CERS4: variants seen among roughly 807,000 people sequenced by gnomAD.
CERS4 encodes ceramide synthase 4, also known as LAG1 homolog, ceramide synthase 4.
CERS4 carries 65 observed loss-of-function variants against 51.8 expected under a neutral mutation model. The ratio of observed to expected loss-of-function variants is 1.26; its 90% confidence interval spans 1.03 to 1.54. The LOEUF (loss-of-function observed/expected upper bound fraction) is 1.54, where lower values mean the gene tolerates loss of function less well. Ranked by LOEUF, CERS4 falls within the 40% of genes most tolerant of loss-of-function variation. The pLI is 0.00. For synonymous variants in CERS4, 228 were observed against 208.4 expected (o/e 1.09, Z -0.81); for missense variants, 563 against 500.4 (o/e 1.13, Z -1.19).
At chr19:8,216,518 T>G (rs1257127544) in intron 2 of CERS4, among the ~76,000 whole-genome samples, 1 of 151,872 alleles carries the variant, frequency 6.6e-6, no homozygotes, top group African/African-American at 2.4e-5. Flanking sequence ...GGCTCATGCC[T>G]GTAATCCCAG....
Position 8,261,673 on chromosome 19 carries a change from T to C in CERS4, c.849-15T>C. On this transcript the variant is annotated splice_polypyrimidine_tract_variant and intron_variant, in intron 10 of 11. Coordinates refer to ENST00000251363, the MANE Select transcript of CERS4 (RefSeq NM_024552.3). ...CTGGTCAAACCCCAGCCTCCTCCTC[T>C]CCCCCTGGCTGTAGGATCCTCTACA... is the stretch of plus-strand genomic sequence containing the variant. 6.2e-7 allele frequency: 1 copy of C among 1,613,398 alleles called. No individual in the cohort carries two copies. The highest frequency in any genetic ancestry group is 8.5e-7 in the Non-Finnish European group (1 of 1,179,700).
intron 2 of CERS4, among the ~76,000 whole-genome samples, chr19:8,217,935 A>G (rs1181808002): frequency 6.6e-6 from 1 of 151,954 alleles, no homozygotes; most frequent in Admixed American, 6.6e-5. Flanking sequence ...ATCCTCCCAA[A>G]GTGCTGGGAT....
chr19:8,216,020 A>G (rs1025783978), intron 2 of CERS4, among the ~76,000 whole-genome samples: 2 of 152,006 alleles, frequency 1.3e-5, no homozygotes, highest in African/African-American at 4.8e-5. Flanking sequence ...AGAATGTTCT[A>G]TCATCAGGGT....
intron 3 of CERS4, among the ~76,000 whole-genome samples, chr19:8,252,015 C>T (rs1322901057): frequency 4.6e-5 from 7 of 150,776 alleles, no homozygotes; most frequent in Admixed American, 4.6e-4. Flanking sequence ...TCACTTGAGT[C>T]CAGGAGTTCG....
chr19:8,215,780 T>G (rs1967275973), intron 2 of CERS4, among the ~76,000 whole-genome samples: 1 of 152,176 alleles, frequency 6.6e-6, no homozygotes, highest in African/African-American at 2.4e-5. Context: ...CTGGCACTCC[T>G]CTGTGATCTG....
At chr19:8,251,798 C>CAAA (rs1247925260) in intron 3 of CERS4, among the ~76,000 whole-genome samples, 1 of 104,406 alleles carries the variant, frequency 9.6e-6, no homozygotes. Context: ...AGCAAGACTC[C>CAAA]ATAAAAAAAA....
chr19:8,238,440 C>A, intron 2 of CERS4: 1 of 915,096 alleles, frequency 1.1e-6, no homozygotes, highest in Non-Finnish European at 1.3e-6. Flanking sequence ...AAAAAGGGCA[C>A]TGATGCAGAG....
chr19:8,248,644 GTGGATGGATGA>G (rs1208001370), intron 2 of CERS4, among the ~76,000 whole-genome samples: 1 of 151,312 alleles, frequency 6.6e-6, no homozygotes, highest in Non-Finnish European at 1.5e-5. Context: ...GTTTGGATGA[GTGGATGGATGA>G]TGGGTGGGTG....
chr19:8,218,565 G>C (rs1476143048), intron 2 of CERS4, among the ~76,000 whole-genome samples: 1 of 152,116 alleles, frequency 6.6e-6, no homozygotes, highest in Non-Finnish European at 1.5e-5. Flanking sequence ...CGTTCGGCCA[G>C]GTCACAAAGG....
chr19:8,253,956 G>GA (rs1969227169), intron 3 of CERS4, among the ~76,000 whole-genome samples: 1 of 152,028 alleles, frequency 6.6e-6, no homozygotes, highest in African/African-American at 2.4e-5. Flanking sequence ...GGAATAAGTG[G>GA]AAAATCGAGT....
chr19:8,251,330 G>A (rs1238133723), intron 3 of CERS4, 81 bp downstream of exon 3: 11 of 1,470,926 alleles, frequency 7.5e-6, no homozygotes, highest in Non-Finnish European at 9.9e-6. Context: ...ATTTGCCATT[G>A]CAGCATGTCC....
chr19:8,249,944 G>A (rs968396892), intron 2 of CERS4, among the ~76,000 whole-genome samples: 1 of 151,844 alleles, frequency 6.6e-6, no homozygotes, highest in African/African-American at 2.4e-5. Context: ...GCAGCTTCCT[G>A]CAGTGGAAAG....
In CERS4 at chr19:8,210,890, G is replaced by A. The variant is rs984278580; in HGVS notation, c.-2+28G>A. On this transcript the variant is annotated intron_variant, in intron 2 of 11. Transcript: ENST00000251363. This position sits in a 1 kb window ranked among gnomAD's most constrained non-coding sequence, Gnocchi z 4.2. Reference sequence around the variant, plus strand: ...ACTTTGAGCCTGGGGTGTGGGGGGTGGGGGGCGGCCTTGGTCGTTGAACTG... The same window carrying A: ...ACTTTGAGCCTGGGGTGTGGGGGGTAGGGGGCGGCCTTGGTCGTTGAACTG... The A allele has an allele frequency of 1.3e-5, 2 of 149,920 alleles. No individual in the cohort carries two copies. The highest frequency in any genetic ancestry group is 3.0e-5 in the Non-Finnish European group (2 of 66,562). The allele number at this position is 149,920 out of a possible 1,614,324, so 9.3% of individuals were successfully genotyped here.
At chr19:8,227,404 T>C (rs1967832381) in intron 2 of CERS4, among the ~76,000 whole-genome samples, 1 of 152,052 alleles carries the variant, frequency 6.6e-6, no homozygotes, top group Non-Finnish European at 1.5e-5. Context: ...CGATCTCGGC[T>C]CACTGCAACC....
At chr19:8,258,364 G>A (rs1969506291) in intron 10 of CERS4, among the ~76,000 whole-genome samples, 1 of 152,162 alleles carries the variant, frequency 6.6e-6, no homozygotes, top group African/African-American at 2.4e-5. Flanking sequence ...GGTAAGTGAG[G>A]CAGCCACGTG....
chr19:8,230,698 A>G (rs1257005421), intron 2 of CERS4, among the ~76,000 whole-genome samples: 1 of 152,058 alleles, frequency 6.6e-6, no homozygotes, highest in East Asian at 1.9e-4. Flanking sequence ...TTCAGTTTGG[A>G]TATTTGCTAT....
At position 8,235,007 on chromosome 19, in the gene CERS4, C is replaced by CTTTTT. The variant is rs566104740; in HGVS notation, c.-1-16066_-1-16065insTTTTT. The stretch of plus-strand genomic sequence containing the variant: ...TGTATCTTTCTCTTTTTCTTTCTTT[C>CTTTTT]TTTCTTTTTTTTTTTTTTCAGACAG... On this transcript the variant is annotated intron_variant, in intron 2 of 11. Transcript: ENST00000251363. Among the ~76,000 whole-genome samples the CTTTTT allele has an allele frequency of 1.3e-4, 16 of 127,924 alleles. 3 individuals are homozygous for CTTTTT. Among genetic ancestry groups the CTTTTT allele is most frequent in the South Asian group, 5.1e-4 (2 of 3,914 alleles). The allele number at this position is 127,924 out of a possible 152,430, so 83.9% of individuals were successfully genotyped here. A position where few individuals can be genotyped will look rare whatever the true frequency, so the allele number is the denominator to read the frequency against.
chr19:8,234,123 G>A (rs1028035403), intron 2 of CERS4, among the ~76,000 whole-genome samples: 2 of 151,394 alleles, frequency 1.3e-5, no homozygotes, highest in African/African-American at 2.4e-5. Flanking sequence ...TGGCTAACAC[G>A]GTGAAACCCC....
At chr19:8,246,211 G>A (rs36060894) in intron 2 of CERS4, among the ~76,000 whole-genome samples, 15,709 of 152,172 alleles carry the variant, frequency 0.1, 970 homozygotes, top group Middle Eastern at 0.19. Flanking sequence ...TGTGATAGGA[G>A]ACTGGATTAG....
Sources: allele counts gnomAD v4.1 joint callset (sites outside exome capture counted in the v4.1 genomes callset), GRCh38; gene constraint gnomAD v4.1.1; non-coding constraint Gnocchi (gnomAD v3.1); transcripts MANE v1.5; gene names NCBI Gene and HGNC (gene_info 2026-07-23, HGNC 2026-07-21).